CSNK1G1: variants seen among roughly 807,000 people sequenced by gnomAD.
CSNK1G1 encodes the protein casein kinase 1 gamma 1, also known as casein kinase I isoform gamma-1.
A neutral mutation model predicts 59.6 loss-of-function variants in CSNK1G1; 22 were observed. The observed-to-expected ratio is 0.37, with a 90% CI of 0.26 to 0.53. The LOEUF is 0.53. Ranked by LOEUF, CSNK1G1 falls within the 20% of genes least tolerant of loss-of-function variation. The pLI is 0.89. For missense variants in CSNK1G1, 384 were observed against 519.5 expected (o/e 0.74, Z 2.54); for synonymous variants, 179 against 177.1 (o/e 1.01, Z -0.08).
intron 2 of CSNK1G1, among the ~76,000 whole-genome samples, chr15:64,268,742 C>T (rs1893117382): frequency 6.6e-6 from 1 of 152,098 alleles, no homozygotes; most frequent in Admixed American, 6.6e-5. Flanking sequence ...AGCATCCCGC[C>T]ACGGAATGAC....
intron 10 of CSNK1G1, among the ~76,000 whole-genome samples, chr15:64,196,794 GTT>G (rs538457259): frequency 1.4e-5 from 2 of 144,342 alleles, no homozygotes; most frequent in African/African-American, 5.0e-5. Flanking sequence ...CTCTGTGTGT[GTT>G]TTTTTTTTTT....
intron 4 of CSNK1G1, among the ~76,000 whole-genome samples, chr15:64,226,992 A>G (rs768050407): frequency 6.6e-6 from 1 of 152,232 alleles, no homozygotes; most frequent in Non-Finnish European, 1.5e-5. Context: ...GAAGACAGCA[A>G]CTACTGTGTG....
chr15:64,325,162 C>G (rs2140446537), intron 1 of CSNK1G1, among the ~76,000 whole-genome samples: 1 of 152,294 alleles, frequency 6.6e-6, no homozygotes, highest in East Asian at 1.9e-4. Context: ...TCCCCTACAG[C>G]TACACAGTAA....
intron 4 of CSNK1G1, among the ~76,000 whole-genome samples, chr15:64,219,228 T>C (rs546727578): frequency 6.6e-6 from 1 of 152,226 alleles, no homozygotes; most frequent in Non-Finnish European, 1.5e-5. Context: ...AAAACCCAAC[T>C]AGTTGTTTCC....
At chr15:64,349,198 C>T (rs528735075) in intron 1 of CSNK1G1, among the ~76,000 whole-genome samples, 3 of 151,062 alleles carry the variant, frequency 2.0e-5, no homozygotes, top group South Asian at 2.1e-4. Context: ...TTCAGGAAGT[C>T]GTAAATACCC....
intron 2 of CSNK1G1, among the ~76,000 whole-genome samples, chr15:64,297,416 T>C (rs143386414): frequency 2.0e-5 from 3 of 152,066 alleles, no homozygotes; most frequent in African/African-American, 7.2e-5. Flanking sequence ...GAAGCAGAAA[T>C]GCACACGGTT....
At chr15:64,203,270 C>T in intron 9 of CSNK1G1, 81 bp from the exon 10 acceptor site, 2 of 868,826 alleles carry the variant, frequency 2.3e-6, no homozygotes, top group Non-Finnish European at 3.8e-6. Flanking sequence ...GATTCTAATT[C>T]TAATAGAGTA....
chr15:64,181,681 T>A, intron 10 of CSNK1G1: 1 of 411,824 alleles, frequency 2.4e-6, no homozygotes, highest in Non-Finnish European at 4.3e-6. Context: ...TTGGGCAAGA[T>A]CCTCAGTCTA....
chr15:64,244,719 CA>C (rs983353477), intron 4 of CSNK1G1, among the ~76,000 whole-genome samples: 1 of 151,786 alleles, frequency 6.6e-6, no homozygotes, highest in Non-Finnish European at 1.5e-5. Flanking sequence ...CCCACCTCTA[CA>C]AAAAATTAGC....
intron 1 of CSNK1G1, among the ~76,000 whole-genome samples, chr15:64,307,438 G>C (rs1234931435): frequency 6.6e-6 from 1 of 152,128 alleles, no homozygotes; most frequent in African/African-American, 2.4e-5. Context: ...TATTGGCCAG[G>C]CATGGTGGCT....
chr15:64,300,971 C>A (rs549646353), intron 1 of CSNK1G1, among the ~76,000 whole-genome samples: 1 of 152,302 alleles, frequency 6.6e-6, no homozygotes, highest in East Asian at 1.9e-4. Flanking sequence ...AGAATGCTTT[C>A]TTCTAGTAAT....
intron 2 of CSNK1G1, among the ~76,000 whole-genome samples, chr15:64,299,708 T>C (rs189080129): frequency 8.5e-5 from 13 of 152,224 alleles, no homozygotes; most frequent in African/African-American, 1.9e-4. Context: ...AAATTCATAA[T>C]TGAAATAGAA....
At chr15:64,297,683 C>A (rs1895101570) in intron 2 of CSNK1G1, among the ~76,000 whole-genome samples, 1 of 150,148 alleles carries the variant, frequency 6.7e-6, no homozygotes, top group African/African-American at 2.5e-5. Context: ...GGTAACAGAG[C>A]AAGACCCTGT....
chr15:64,286,644 G>GGCCT (rs771731074), intron 2 of CSNK1G1, among the ~76,000 whole-genome samples: 1 of 151,820 alleles, frequency 6.6e-6, no homozygotes, highest in Non-Finnish European at 1.5e-5. Context: ...GTACCCCCAG[G>GGCCT]GCCTAGCTAA....
At position 64,214,011 on chromosome 15, in the gene CSNK1G1, T is replaced by A. The variant is rs1450284966; in HGVS notation, c.558A>T (p.Ile186=). 2.5e-6 allele frequency: 4 copies of A among 1,614,042 alleles called. No individual in the cohort carries two copies. The highest frequency in any genetic ancestry group is 1.7e-6 in the Non-Finnish European group (2 of 1,179,998). Residue 186 remains isoleucine (I), a synonymous_variant, in exon 6 of 12, where the codon ATA becomes ATT. Coordinates refer to ENST00000303052, the MANE Select transcript of CSNK1G1 (RefSeq NM_022048.5). The surrounding 1 kb of genome is among the most constrained non-coding windows in gnomAD (Gnocchi z 4.3). Reference sequence around the variant, plus strand: ...TGTATTCCTTGGCCAGTCCAAAGTCTATAATGTGTATAACATGCTCTTTCT... The same window carrying A: ...TGTATTCCTTGGCCAGTCCAAAGTCAATAATGTGTATAACATGCTCTTTCT... ...GNKKEHVIHI[I]DFGLAKEYID... is the part of the protein sequence containing the mutation.
At chr15:64,339,058 C>T (rs1897552125) in intron 1 of CSNK1G1, among the ~76,000 whole-genome samples, 1 of 151,898 alleles carries the variant, frequency 6.6e-6, no homozygotes. Flanking sequence ...AGTTAAAGTG[C>T]AGGATTCTGA....
intron 4 of CSNK1G1, among the ~76,000 whole-genome samples, chr15:64,230,919 A>G (rs1297216548): frequency 6.6e-6 from 1 of 152,130 alleles, no homozygotes; most frequent in African/African-American, 2.4e-5. Flanking sequence ...GGTTGCAGTG[A>G]GCCGAGATTG....
intron 4 of CSNK1G1, among the ~76,000 whole-genome samples, chr15:64,224,614 G>C (rs2082432726): frequency 6.6e-6 from 1 of 152,092 alleles, no homozygotes; most frequent in Non-Finnish European, 1.5e-5. Context: ...TACTCAAAAT[G>C]CTGGTTTAAT....
rs1050663769 is a variant in CSNK1G1, at chr15:64,168,945, C to A, written c.*2986G>T. 6.6e-6 allele frequency: 1 copy of A among 152,612 alleles called. No homozygotes were observed. Among genetic ancestry groups the A allele is most frequent in the Admixed American group, 6.5e-5 (1 of 15,290 alleles). The allele number at this position is 152,612 out of a possible 1,614,324, so 9.5% of individuals were successfully genotyped here. A position where few individuals can be genotyped will look rare whatever the true frequency, so the allele number is the denominator to read the frequency against. ...CTGCATGCTAAAGGGACCTGGGATT[C>A]TTTACCCTTGTTATAAAAACCAAAT... On this transcript the variant is annotated 3_prime_UTR_variant, in exon 12 of 12. Transcript: ENST00000303052.
Sources: allele counts gnomAD v4.1 joint callset (sites outside exome capture counted in the v4.1 genomes callset), GRCh38; gene constraint gnomAD v4.1.1; non-coding constraint Gnocchi (gnomAD v3.1); transcripts MANE v1.5; gene names NCBI Gene and HGNC (gene_info 2026-07-23, HGNC 2026-07-21).